The following ZNF704 variants were observed in gnomAD, a reference collection of about 807,000 sequenced individuals.
ZNF704 encodes the protein glucocorticoid induced gene 1.
Under a neutral mutation model 44.7 loss-of-function variants are expected in ZNF704, and 10 were observed. The ratio of observed to expected loss-of-function variants is 0.22; its 90% CI spans 0.14 to 0.38. The LOEUF (loss-of-function observed/expected upper bound fraction) is 0.38, where lower values mean the gene tolerates loss of function less well. ZNF704 is among the 10% of genes least tolerant of loss of function. ZNF704 has a pLI of 1.00. For synonymous variants in ZNF704, 211 were observed against 207.6 expected (o/e 1.02, Z -0.14); for missense variants, 390 against 545.5 (o/e 0.71, Z 2.84).
chr8:80,744,289 A>T (rs1806809693), intron 2 of ZNF704, among the ~76,000 whole-genome samples: 2 of 152,154 alleles, frequency 1.3e-5, no homozygotes, highest in Non-Finnish European at 2.9e-5. Context: ...TTATATATAT[A>T]TATTTGGATG....
intron 7 of ZNF704, among the ~76,000 whole-genome samples, chr8:80,652,290 T>C (rs2131597898): frequency 6.6e-6 from 1 of 152,038 alleles, no homozygotes; most frequent in South Asian, 2.1e-4. Flanking sequence ...ATTCAAAAGC[T>C]AGCAGAAGGC....
chr8:80,861,249 G>C (rs1809056415), intron 1 of ZNF704, among the ~76,000 whole-genome samples: 1 of 152,138 alleles, frequency 6.6e-6, no homozygotes, highest in Non-Finnish European at 1.5e-5. Context: ...CAACCCCCTT[G>C]AGCTTTGATG....
intron 2 of ZNF704, among the ~76,000 whole-genome samples, chr8:80,809,422 A>G (rs1256407638): frequency 6.6e-6 from 1 of 152,240 alleles, no homozygotes; most frequent in Non-Finnish European, 1.5e-5. Context: ...AGAAAAGGGC[A>G]GCAACGTTAC....
At chr8:80,848,618 G>A (rs1808806963) in intron 1 of ZNF704, among the ~76,000 whole-genome samples, 1 of 152,054 alleles carries the variant, frequency 6.6e-6, no homozygotes, top group African/African-American at 2.4e-5. Context: ...GCCAAGGTGG[G>A]TGGATCCCTT....
At chr8:80,842,963 T>C (rs1347093780) in intron 1 of ZNF704, among the ~76,000 whole-genome samples, 2 of 152,176 alleles carry the variant, frequency 1.3e-5, no homozygotes, top group Non-Finnish European at 2.9e-5. Context: ...CCAGATACCA[T>C]TTCCCTGCTA....
rs1283505730 is a variant in ZNF704 at position 80,633,741 on chromosome 8, G to GA, written c.*7624dup. 1 of 152,176 alleles carries GA rather than the reference G, an allele frequency of 6.6e-6. No homozygotes were observed. Among genetic ancestry groups the GA allele is most frequent in the Non-Finnish European group, 1.5e-5 (1 of 68,026 alleles). The allele number at this position is 152,176 out of a possible 1,614,324, so 9.4% of individuals were successfully genotyped here. A position where few individuals can be genotyped will look rare whatever the true frequency, so the allele number is the denominator to read the frequency against. Reference sequence around the variant, plus strand: ...ATCAAATGAAATAGTGTGTGAACGAGACGTATCTTATTACATACGTGAAAG... The same window carrying GA: ...ATCAAATGAAATAGTGTGTGAACGAGAACGTATCTTATTACATACGTGAAAG... On this transcript the variant is annotated 3_prime_UTR_variant, in exon 9 of 9. Coordinates refer to ENST00000327835, the MANE Select transcript of ZNF704 (RefSeq NM_001033723.3).
At chr8:80,838,996 T>C (rs1197373547) in intron 1 of ZNF704, among the ~76,000 whole-genome samples, 1 of 152,218 alleles carries the variant, frequency 6.6e-6, no homozygotes, top group Non-Finnish European at 1.5e-5. Context: ...AGCTCCAGGC[T>C]GAGTTTGCAG....
intron 1 of ZNF704, among the ~76,000 whole-genome samples, chr8:80,846,062 G>C (rs528016098): frequency 4.6e-5 from 7 of 152,100 alleles, no homozygotes; most frequent in Admixed American, 6.5e-5. Context: ...TTTGAAGAAC[G>C]AATCACTCAA....
At chr8:80,643,516 C>CAAAA (rs1174433192) in intron 7 of ZNF704, among the ~76,000 whole-genome samples, 14 of 23,382 alleles carry the variant, frequency 6.0e-4, no homozygotes, top group Admixed American at 1.1e-3. Flanking sequence ...GATCCTGTCT[C>CAAAA]AAAAAAAAAA....
chr8:80,644,824 T>C, intron 7 of ZNF704: 1 of 659,384 alleles, frequency 1.5e-6, no homozygotes. Flanking sequence ...GAACATCTTT[T>C]AAATATCAAA....
At chr8:80,658,445 T>C (rs944004799) in intron 7 of ZNF704, among the ~76,000 whole-genome samples, 2 of 151,776 alleles carry the variant, frequency 1.3e-5, no homozygotes, top group African/African-American at 2.4e-5. Context: ...AGTGGATCAG[T>C]GTTCTTGCCA....
At chr8:80,695,463 G>C (rs1457936379) in intron 2 of ZNF704, among the ~76,000 whole-genome samples, 1 of 152,218 alleles carries the variant, frequency 6.6e-6, no homozygotes, top group Non-Finnish European at 1.5e-5. Flanking sequence ...GGTATAGGTG[G>C]ATGACATGAT....
chr8:80,686,407 G>A (rs953972614), intron 4 of ZNF704, among the ~76,000 whole-genome samples: 1 of 152,022 alleles, frequency 6.6e-6, no homozygotes, highest in Admixed American at 6.5e-5. Flanking sequence ...AAAGCAGCAG[G>A]GTCTCACTCT....
chr8:80,811,000 G>C (rs1808072174), intron 2 of ZNF704, among the ~76,000 whole-genome samples: 1 of 152,196 alleles, frequency 6.6e-6, no homozygotes, highest in African/African-American at 2.4e-5. Context: ...GTGTGTTAGA[G>C]TAGGAAAAGA....
rs1000628860 is a variant in ZNF704 at position 80,628,792 on chromosome 8, T to C, written c.*12574A>G. On this transcript the variant is annotated 3_prime_UTR_variant, in exon 9 of 9. Transcript: ENST00000327835. ...TACTTAAATGCTTCCAGAGGACCAG[T>C]GTAGCAAATCCTTAACTCTGGGGGG... is the stretch of plus-strand genomic sequence containing the variant. 2.6e-5 allele frequency: 4 copies of C among 152,228 alleles called. No individual in the cohort carries two copies. Among genetic ancestry groups the C allele is most frequent in the African/African-American group, 9.6e-5 (4 of 41,454 alleles). 9.4% of individuals were successfully genotyped at this position (152,228 alleles called of 1,614,324 possible).
At chr8:80,679,795 C>T (rs976496824) in intron 4 of ZNF704, among the ~76,000 whole-genome samples, 6 of 152,204 alleles carry the variant, frequency 3.9e-5, no homozygotes, top group African/African-American at 1.2e-4. Context: ...AGCTGAAGCT[C>T]CACGCAGTCG....
intron 2 of ZNF704, among the ~76,000 whole-genome samples, chr8:80,743,531 A>G (rs1408782069): frequency 2.0e-5 from 3 of 152,246 alleles, no homozygotes; most frequent in Non-Finnish European, 2.9e-5. Flanking sequence ...TGTTCAGAGA[A>G]GCAGGTGGGC....
intron 2 of ZNF704, among the ~76,000 whole-genome samples, chr8:80,787,916 A>C (rs1026136675): frequency 6.6e-6 from 1 of 152,182 alleles, no homozygotes; most frequent in Admixed American, 6.5e-5. Flanking sequence ...AAATTTGCCT[A>C]CTCCAATGAG....
chr8:80,713,516 C>A (rs1487215951), intron 2 of ZNF704, among the ~76,000 whole-genome samples: 2 of 152,134 alleles, frequency 1.3e-5, no homozygotes, highest in East Asian at 3.9e-4. Flanking sequence ...TCATCTACAT[C>A]TTCAGTTTTT....
Sources: allele counts gnomAD v4.1 joint callset (sites outside exome capture counted in the v4.1 genomes callset), GRCh38; gene constraint gnomAD v4.1.1; transcripts MANE v1.5; gene names NCBI Gene and HGNC (gene_info 2026-07-23, HGNC 2026-07-21).